The following ALMS1 variants were observed in gnomAD, a reference collection of about 807,000 sequenced individuals.
ALMS1 encodes ALMS1 centrosome and basal body associated protein, also known as centrosome-associated protein ALMS1.
ALMS1 carries 271 observed loss-of-function variants against 352.2 expected under a neutral mutation model. The observed-to-expected ratio is 0.77, with a 90% CI of 0.70 to 0.85. The LOEUF (loss-of-function observed/expected upper bound fraction) is 0.85, where lower values mean the gene tolerates loss of function less well. Among genes scored for constraint, ALMS1 ranks in the 40% least tolerant of loss-of-function variants. The pLI is 0.00. For missense variants in ALMS1, 5,445 were observed against 4,870.7 expected, an observed-to-expected ratio of 1.12 and a Z score of -3.51; for synonymous variants, 1,865 against 1,761.2, an observed-to-expected ratio of 1.06 and a Z score of -1.48.
At chr2:73,534,445 T>C (rs1181516064) in intron 11 of ALMS1, among the ~76,000 whole-genome samples, 1 of 152,114 alleles carries the variant, frequency 6.6e-6, no homozygotes. Context: ...GTTAGAGTCA[T>C]CTATATATGG....
At position 73,450,054 on chromosome 2, in the gene ALMS1, G is replaced by C. The variant is rs1255820923; in HGVS notation, c.3527G>C (p.Gly1176Ala). Residue 1176 changes from glycine (G) to alanine (A), a missense_variant, in exon 8 of 23, where the codon GGA becomes GCA. Coordinates refer to ENST00000613296, the MANE Select transcript of ALMS1 (RefSeq NM_001378454.1). ...GCTCAGAAAGTTTCAGCTGTTACTG[G>C]ACCAGGTAACCAGAAGACTTGGATA... is the stretch of plus-strand genomic sequence containing the variant. ...EEAQKVSAVT[G>A]PGNQKTWIPR... is the part of the protein sequence containing the mutation. 6.2e-7 allele frequency: 1 copy of C among 1,613,708 alleles called. No individual in the cohort carries two copies. Among genetic ancestry groups the C allele is most frequent in the Middle Eastern group, 1.7e-4 (1 of 6,060 alleles).
intron 9 of ALMS1, chr2:73,469,880 G>T (rs1181092849): frequency 2.0e-5 from 3 of 151,782 alleles, no homozygotes; most frequent in South Asian, 2.1e-4. Flanking sequence ...AAAAAACAAT[G>T]CCTGACTTAG....
intron 10 of ALMS1, among the ~76,000 whole-genome samples, chr2:73,506,578 GCTCT>G (rs1002868400): frequency 2.4e-4 from 36 of 151,740 alleles, no homozygotes; most frequent in African/African-American, 8.4e-4. Context: ...TCGTGATTTG[GCTCT>G]CTATTATTGG....
At chr2:73,395,225 G>A (rs58093912) in intron 1 of ALMS1, among the ~76,000 whole-genome samples, 4,236 of 151,178 alleles carry the variant, frequency 0.028, 202 homozygotes, top group African/African-American at 0.096. Context: ...GATTACAGGT[G>A]TGTGCCACCA....
intron 13 of ALMS1, among the ~76,000 whole-genome samples, chr2:73,554,501 C>T (rs1482809081): frequency 4.6e-5 from 7 of 150,992 alleles, no homozygotes; most frequent in African/African-American, 1.7e-4. Flanking sequence ...GTCAGGAGAT[C>T]GAGACCATCC....
At chr2:73,395,788 G>A (rs770289405) in intron 1 of ALMS1, among the ~76,000 whole-genome samples, 2 of 151,820 alleles carry the variant, frequency 1.3e-5, no homozygotes, top group South Asian at 4.2e-4. Context: ...ATTTATTTAT[G>A]GCTAATTGCC....
At chr2:73,405,460 T>A (rs1670953745) in intron 1 of ALMS1, among the ~76,000 whole-genome samples, 1 of 152,098 alleles carries the variant, frequency 6.6e-6, no homozygotes, top group Non-Finnish European at 1.5e-5. Context: ...ATTTAGTTAT[T>A]TGAGGCCTTT....
chr2:73,457,024 G>C (rs1450948851), intron 9 of ALMS1: 2 of 152,026 alleles, frequency 1.3e-5, no homozygotes, highest in African/African-American at 4.8e-5. Flanking sequence ...GATCTGACCA[G>C]CATGAAGTAT....
Position 73,534,894 on chromosome 2 carries a change from A to G in ALMS1, c.9852A>G (p.Gln3284=), listed in dbSNP as rs1558684497. 3.1e-6 allele frequency: 5 copies of G among 1,613,646 alleles called. No homozygotes were observed. The highest frequency in any genetic ancestry group is 1.7e-5 in the Admixed American group (1 of 59,998). Residue 3284 remains glutamine (Q), a synonymous_variant, in exon 12 of 23, where the codon CAA becomes CAG. Coordinates refer to ENST00000613296, the MANE Select transcript of ALMS1 (RefSeq NM_001378454.1). ...TKMYYVPQLR[Q]IPPSPDSKSD... is the part of the protein sequence containing the mutation. ...TGTATTATGTTCCACAATTAAGACA[A>G]ATTCCTCCATCTCCGGATTCCAAAT...
At chr2:73,567,910 G>A (rs986244593) in intron 15 of ALMS1, among the ~76,000 whole-genome samples, 1 of 152,054 alleles carries the variant, frequency 6.6e-6, no homozygotes, top group African/African-American at 2.4e-5. Context: ...TGTCTTCATG[G>A]TAGAAAATAT....
intron 1 of ALMS1, among the ~76,000 whole-genome samples, chr2:73,406,337 TATCTTTTTGA>T (rs985314627): frequency 8.5e-5 from 13 of 152,112 alleles, no homozygotes; most frequent in African/African-American, 3.1e-4. Context: ...TTGCATGGAA[TATCTTTTTGA>T]ATCTTTTTAC....
intron 5 of ALMS1, 22 bp from the exon 6 acceptor site, chr2:73,426,431 C>G (rs1671380012): frequency 1.2e-6 from 2 of 1,611,428 alleles, no homozygotes; most frequent in African/African-American, 2.7e-5. Context: ...TACAATTATG[C>G]AAAATGACTC....
intron 16 of ALMS1, among the ~76,000 whole-genome samples, chr2:73,591,856 T>A (rs1014033657): frequency 2.0e-5 from 3 of 152,224 alleles, no homozygotes; most frequent in African/African-American, 7.2e-5. Flanking sequence ...GCTGTCTCGC[T>A]CTATCACCCT....
chr2:73,490,389 A>G lies in ALMS1; in HGVS notation c.8430A>G (p.Lys2810=), dbSNP rs1483404753. ...TTGAGCGTTCTTTTCAAGAAGAAAA[A>G]CCCTTAGAAAGATCAGATTTTACAG... ...VDFERSFQEE[K]PLERSDFTGS... is the part of the protein sequence containing the mutation. The change falls in exon 10 of 23, where the codon AAA becomes AAG. Residue 2810 remains lysine (K), a synonymous_variant. Coordinates refer to ENST00000613296, the MANE Select transcript of ALMS1 (RefSeq NM_001378454.1). The G allele has an allele frequency of 2.5e-6, 4 of 1,613,620 alleles. No individual in the cohort carries two copies. In the Admixed American group the frequency reaches 6.7e-5, roughly 27 times the overall value.
At chr2:73,498,507 T>C (rs1673154568) in intron 10 of ALMS1, among the ~76,000 whole-genome samples, 1 of 141,086 alleles carries the variant, frequency 7.1e-6, no homozygotes, top group Non-Finnish European at 1.5e-5. Flanking sequence ...TCATTCTTTC[T>C]ATTTTGTGTG....
At chr2:73,518,599 C>A (rs573019381) in intron 10 of ALMS1, among the ~76,000 whole-genome samples, 1 of 152,146 alleles carries the variant, frequency 6.6e-6, no homozygotes, top group South Asian at 2.1e-4. Flanking sequence ...ATAACCACTC[C>A]CTTTTCTCTG....
upstream of ALMS1, chr2:73,385,790 A>C: frequency 3.2e-6 from 2 of 627,326 alleles, no homozygotes; most frequent in Non-Finnish European, 5.7e-6. Context: ...GCTGGGCCAC[A>C]ACCGCCAGTC....
At chr2:73,573,468 C>G in intron 16 of ALMS1, 44 bp downstream of exon 16, 4 of 1,600,982 alleles carry the variant, frequency 2.5e-6, no homozygotes, top group Non-Finnish European at 3.4e-6. Context: ...CTGCCCTCTT[C>G]ATGGACTTTT....
chr2:73,490,962 T>A lies in ALMS1; in HGVS notation c.9003T>A (p.His3001Gln). ...QDCVVEKNNQ[H>Q]KPKSHISNIN... ...GTGTAGTGGAAAAGAATAATCAACATAAGCCTAAATCACACATTTCTAATA... is the reference window on the plus strand; with the variant it reads ...GTGTAGTGGAAAAGAATAATCAACAAAAGCCTAAATCACACATTTCTAATA... Residue 3001 changes from histidine (H) to glutamine (Q), a missense_variant, in exon 10 of 23, where the codon CAT (histidine) becomes CAA (glutamine). By Grantham distance (24) the His-to-Gln change is conservative. Transcript: ENST00000613296. 6.2e-7 allele frequency: 1 copy of A among 1,614,038 alleles called. No individual in the cohort carries two copies. The highest frequency in any genetic ancestry group is 1.3e-5 in the African/African-American group (1 of 74,920).
Sources: allele counts gnomAD v4.1 joint callset (sites outside exome capture counted in the v4.1 genomes callset), GRCh38; gene constraint gnomAD v4.1.1; transcripts MANE v1.5; gene names NCBI Gene and HGNC (gene_info 2026-07-23, HGNC 2026-07-21).